Variants in B3GALNT2 observed in about 807,000 individuals in gnomAD.
The protein encoded by B3GALNT2 is beta-1,3-N-acetylgalactosaminyltransferase 2, also known as UDP-GalNAc:beta-1,3-N-acetylgalactosaminyltransferase 2.
B3GALNT2 carries 53 observed loss-of-function variants against 61.1 expected under a neutral mutation model. The observed-to-expected ratio is 0.87, with a 90% CI of 0.70 to 1.09. The LOEUF is 1.09. Among genes scored for constraint, B3GALNT2 ranks in the 50% least tolerant of loss-of-function variants. B3GALNT2 has a pLI of 0.00. For synonymous variants in B3GALNT2, 223 were observed against 237.4 expected (o/e 0.94, Z 0.56); for missense variants, 544 against 623.0 (o/e 0.87, Z 1.35).
At chr1:235,461,016 T>A (rs940203486) in intron 7 of B3GALNT2, among the ~76,000 whole-genome samples, 2 of 152,250 alleles carry the variant, frequency 1.3e-5, no homozygotes, top group African/African-American at 4.8e-5. Context: ...AAGGCAATTC[T>A]TTCGCTGTGG....
rs750146613 is a variant in B3GALNT2 at position 235,480,049 on chromosome 1, T to C, written c.651+5A>G. 16 of 1,613,774 alleles carry C rather than the reference T, an allele frequency of 9.9e-6. No individual in the cohort carries two copies. The highest frequency in any genetic ancestry group is 1.7e-5 in the Admixed American group (1 of 59,996). On this transcript the variant is annotated splice_donor_5th_base_variant and intron_variant, in intron 5 of 11. Coordinates refer to ENST00000366600, the MANE Select transcript of B3GALNT2 (RefSeq NM_152490.5). The stretch of plus-strand genomic sequence containing the variant: ...GTACTACAGTCTTTTCCTGCCATCC[T>C]GTACCTCTGGTAAGATGAATTGTTC...
chr1:235,484,412 G>C lies in B3GALNT2; in HGVS notation c.465C>G (p.Ile155Met). The change falls in exon 4 of 12, where the codon ATC (isoleucine) becomes ATG (methionine). Residue 155 changes from isoleucine to methionine, a missense_variant. Physicochemically the swap from Ile to Met is conservative, Grantham distance 10. Coordinates refer to ENST00000366600, the MANE Select transcript of B3GALNT2 (RefSeq NM_152490.5). ...AGAACACTCCAAGACTGGTAATAAC[G>C]ATGGGGTAGAGAACTCGGAAACTCA... ...VSVSFRVLYP[I>M]VITSLGVFYD... The C allele has an allele frequency of 6.2e-7, 1 of 1,614,180 alleles. No individual in the cohort carries two copies. Among genetic ancestry groups the C allele is most frequent in the Non-Finnish European group, 8.5e-7 (1 of 1,180,034 alleles).
At chr1:235,440,390 GTA>G in the B3GALNT2 span, among the ~76,000 whole-genome samples, 2 of 151,688 alleles carry the variant, frequency 1.3e-5, no homozygotes, top group South Asian at 2.1e-4. Flanking sequence ...TGAGGCATCC[GTA>G]TATATATATA....
chr1:235,455,438 G>C, intron 9 of B3GALNT2, 121 bp downstream of exon 9: 2 of 1,058,064 alleles, frequency 1.9e-6, no homozygotes, highest in Non-Finnish European at 2.7e-6. Flanking sequence ...TATAAACCCA[G>C]GAGTCTAGTA....
At position 235,489,217 on chromosome 1, in the gene B3GALNT2, T is replaced by C. The variant is rs756634612; in HGVS notation, c.312A>G (p.Glu104=). The change falls in exon 3 of 12, where the codon GAA becomes GAG. Residue 104 remains glutamate, a synonymous_variant. Transcript: ENST00000366600. The stretch of plus-strand genomic sequence containing the variant: ...TACAGGAATAAGGATCCTCCCTGTC[T>C]TCCACAGGCACTTCACAGCCATGAG... ...IGAHGCEVPV[E]DREDPYSCKL... 1.9e-6 allele frequency: 3 copies of C among 1,614,074 alleles called. No homozygotes were observed. In the East Asian group the frequency reaches 6.7e-5, roughly 36 times the overall value.
chr1:235,460,729 A>G (rs1296215709), intron 7 of B3GALNT2, among the ~76,000 whole-genome samples: 2 of 151,790 alleles, frequency 1.3e-5, no homozygotes, highest in East Asian at 1.9e-4. Context: ...ACCTGTCACC[A>G]TACCCAGGAA....
chr1:235,467,466 T>C (rs1324028424), intron 6 of B3GALNT2, among the ~76,000 whole-genome samples: 3 of 151,004 alleles, frequency 2.0e-5, no homozygotes, highest in Non-Finnish European at 2.9e-5. Flanking sequence ...ATGCTTTATT[T>C]GTTATTTACT....
rs536271884 is a variant in B3GALNT2, at chr1:235,462,703, G to A, written c.841+2933C>T. Among the ~76,000 whole-genome samples the A allele has an allele frequency of 8.5e-5, 13 of 152,280 alleles. No individual in the cohort carries two copies. In the South Asian group the frequency reaches 1.0e-3, roughly 12 times the overall value. ...ACTGAAAAATCAAACATCATTGAAG[G>A]AAATTTAATAAGACATGGATGTTCA... On this transcript the variant is annotated intron_variant, in intron 7 of 11. Transcript: ENST00000366600.
intron 11 of B3GALNT2, chr1:235,451,474 A>C (rs1356778892): frequency 2.8e-5 from 2 of 71,074 alleles, no homozygotes; most frequent in African/African-American, 7.8e-5. Context: ...GATGGTCACA[A>C]AAAAAAAAAA....
rs1180244284 is a variant in B3GALNT2, at chr1:235,474,987, A to ATAT, written c.652-4028_652-4027insATA. On this transcript the variant is annotated intron_variant, in intron 5 of 11. Transcript: ENST00000366600. ...TATATATATATATATATATATATAT[A>ATAT]TTTTTTTTTTTTTTTTTTTTTTTGA... 1.1e-3 allele frequency among the ~76,000 whole-genome samples: 40 copies of ATAT among 35,572 alleles called. 1 individual carries two copies. Among genetic ancestry groups the ATAT allele is most frequent in the Admixed American group, 1.5e-3 (3 of 1,936 alleles). The allele number at this position is 35,572 out of a possible 152,430, so 23.3% of individuals were successfully genotyped here. A position where few individuals can be genotyped will look rare whatever the true frequency, so the allele number is the denominator to read the frequency against.
At chr1:235,442,321 C>A, downstream of B3GALNT2, among the ~76,000 whole-genome samples, 1 of 152,186 alleles carries the variant, frequency 6.6e-6, no homozygotes, top group East Asian at 1.9e-4. Flanking sequence ...CAGGCATGCG[C>A]CACCACACCC....
At chr1:235,462,214 C>T (rs1243063647) in intron 7 of B3GALNT2, among the ~76,000 whole-genome samples, 1 of 152,128 alleles carries the variant, frequency 6.6e-6, no homozygotes, top group African/African-American at 2.4e-5. Context: ...TGGCTTGTAA[C>T]AACAGGAGTG....
At chr1:235,478,242 G>A (rs1207860067) in intron 5 of B3GALNT2, among the ~76,000 whole-genome samples, 4 of 151,950 alleles carry the variant, frequency 2.6e-5, no homozygotes, top group South Asian at 2.1e-4. Flanking sequence ...TAGTAGAGAC[G>A]GGGTTTTGCC....
At chr1:235,491,957 G>A (rs1206523814) in intron 2 of B3GALNT2, among the ~76,000 whole-genome samples, 2 of 152,060 alleles carry the variant, frequency 1.3e-5, no homozygotes, top group African/African-American at 4.8e-5. Context: ...AACACCCCGG[G>A]CTATTTTATA....
chr1:235,443,851 A>C (rs1269205358), downstream of B3GALNT2, among the ~76,000 whole-genome samples: 1 of 152,240 alleles, frequency 6.6e-6, no homozygotes, highest in Non-Finnish European at 1.5e-5. Flanking sequence ...GAAAATAAAT[A>C]TGCTTGTGTC....
intron 11 of B3GALNT2, chr1:235,451,320 G>A (rs918282716): frequency 2.6e-5 from 4 of 152,136 alleles, no homozygotes; most frequent in Admixed American, 6.5e-5. Flanking sequence ...GTCAGTCTGT[G>A]TAAGCCCAAC....
chr1:235,450,314 G>C lies in B3GALNT2; in HGVS notation c.1395C>G (p.Thr465=). 1 of 1,613,954 alleles carries C rather than the reference G, an allele frequency of 6.2e-7. No individual in the cohort carries two copies. ...GAGAAGACAGCATTCCTGTCTCACA[G>C]GTCTTCTCACACAGCCACAGACTGT... ...YQDSLWLCEK[T]CETGMLSSPQ... is the part of the protein sequence containing the mutation. Residue 465 remains threonine, a synonymous_variant, in exon 12 of 12, where the codon ACC becomes ACG. Transcript: ENST00000366600.
Position 235,474,631 on chromosome 1 carries a change from C to T in B3GALNT2, c.652-3671G>A, listed in dbSNP as rs1323370789. Among the ~76,000 whole-genome samples, 8 of 152,032 alleles carry T rather than the reference C, an allele frequency of 5.3e-5. No homozygotes were observed. The East Asian group carries it at 1.4e-3, about 26-fold the overall frequency. On this transcript the variant is annotated intron_variant, in intron 5 of 11. Coordinates refer to ENST00000366600, the MANE Select transcript of B3GALNT2 (RefSeq NM_152490.5). ...GGTCAGGAGTTCAAAACCAGCCTGG[C>T]CAACATGGTGAAACCCTGTCTGTAT...
At chr1:235,484,639 G>A (rs770195991) in intron 3 of B3GALNT2, 124 bp from the exon 4 acceptor site, 3 of 1,380,052 alleles carry the variant, frequency 2.2e-6, no homozygotes, top group Non-Finnish European at 2.8e-6. Flanking sequence ...TTCACAAATG[G>A]CAGGAATTTT....
Sources: allele counts gnomAD v4.1 joint callset (sites outside exome capture counted in the v4.1 genomes callset), GRCh38; gene constraint gnomAD v4.1.1; transcripts MANE v1.5; gene names NCBI Gene and HGNC (gene_info 2026-07-23, HGNC 2026-07-21).